The following AKAP19 variants were observed in gnomAD, a reference collection of about 807,000 sequenced individuals.
AKAP19 encodes A-kinase anchoring protein 19.
the AKAP19 span, among the ~76,000 whole-genome samples, chr2:190,109,573 C>CGGA: frequency 6.6e-6 from 1 of 151,926 alleles, no homozygotes; most frequent in Non-Finnish European, 1.5e-5. Context: ...CCGATTTGGT[C>CGGA]ACTCTTCCTA....
At chr2:190,172,481 CA>C in the AKAP19 span, among the ~76,000 whole-genome samples, 1 of 152,130 alleles carries the variant, frequency 6.6e-6, no homozygotes, top group Non-Finnish European at 1.5e-5. Flanking sequence ...CTATTCAAGC[CA>C]AATATTCTAC....
chr2:189,970,209 A>G, the AKAP19 span, among the ~76,000 whole-genome samples: 2 of 152,196 alleles, frequency 1.3e-5, no homozygotes, highest in East Asian at 3.9e-4. Context: ...TATATGTAGC[A>G]TATGTCTATA....
chr2:190,066,757 T>C, the AKAP19 span, among the ~76,000 whole-genome samples: 2 of 152,200 alleles, frequency 1.3e-5, no homozygotes, highest in South Asian at 2.1e-4. Flanking sequence ...GCTTTACTGT[T>C]GATGTTTTAT....
chr2:190,167,968 T>C, the AKAP19 span, among the ~76,000 whole-genome samples: 2 of 152,182 alleles, frequency 1.3e-5, no homozygotes, highest in African/African-American at 2.4e-5. Flanking sequence ...CACCAGGTGG[T>C]GCCCCAGTAG....
chr2:190,195,433 C>G, the AKAP19 span, among the ~76,000 whole-genome samples: 1,720 of 152,348 alleles, frequency 0.011, 39 homozygotes, highest in African/African-American at 0.039. Flanking sequence ...ATTTTGCATT[C>G]TCACCAACAG....
the AKAP19 span, among the ~76,000 whole-genome samples, chr2:189,895,844 T>G: frequency 6.6e-6 from 1 of 151,914 alleles, no homozygotes; most frequent in African/African-American, 2.4e-5. Context: ...GAGATCAGTT[T>G]AGAAAATCAT....
At chr2:190,029,030 G>C in the AKAP19 span, among the ~76,000 whole-genome samples, 1 of 152,014 alleles carries the variant, frequency 6.6e-6, no homozygotes, top group African/African-American at 2.4e-5. Flanking sequence ...AGTGTGGTGA[G>C]GTGTGGTAAG....
At chr2:190,077,444 A>ATG in the AKAP19 span, among the ~76,000 whole-genome samples, 2 of 151,810 alleles carry the variant, frequency 1.3e-5, no homozygotes, top group African/African-American at 4.9e-5. Context: ...AAACATTTAA[A>ATG]ATGTTAACAT....
chr2:190,068,318 C>T, the AKAP19 span, among the ~76,000 whole-genome samples: 23 of 151,982 alleles, frequency 1.5e-4, no homozygotes, highest in Non-Finnish European at 2.5e-4. Context: ...CATAGTTAGA[C>T]GGGGAGAACA....
chr2:189,938,893 T>C, the AKAP19 span, among the ~76,000 whole-genome samples: 4 of 152,154 alleles, frequency 2.6e-5, no homozygotes, highest in African/African-American at 4.8e-5. Flanking sequence ...GTAATAGAAT[T>C]GGACTTCCAT....
chr2:190,054,213 G>C, the AKAP19 span, among the ~76,000 whole-genome samples: 3 of 151,796 alleles, frequency 2.0e-5, no homozygotes, highest in Non-Finnish European at 2.9e-5. Flanking sequence ...ATAGTTTTCA[G>C]GTCAAGACAA....
chr2:190,153,963 C>A, the AKAP19 span, among the ~76,000 whole-genome samples: 1 of 152,092 alleles, frequency 6.6e-6, no homozygotes, highest in African/African-American at 2.4e-5. Flanking sequence ...CTAAAGATTC[C>A]TCTGTGAGAC....
At chr2:189,957,518 C>A in the AKAP19 span, among the ~76,000 whole-genome samples, 82 of 152,246 alleles carry the variant, frequency 5.4e-4, no homozygotes, top group African/African-American at 1.9e-3. Flanking sequence ...CAGCTTGCCA[C>A]CAAAACCAGA....
At chr2:190,036,729 T>A in the AKAP19 span, among the ~76,000 whole-genome samples, 10 of 152,200 alleles carry the variant, frequency 6.6e-5, no homozygotes, top group East Asian at 1.9e-3. Context: ...ATCATCAACA[T>A]TTCACTTTCA....
At chr2:190,131,965 T>A in the AKAP19 span, among the ~76,000 whole-genome samples, 12 of 151,842 alleles carry the variant, frequency 7.9e-5, no homozygotes, top group Non-Finnish European at 1.6e-4. Flanking sequence ...CACTAAAAAA[T>A]AAGTTATTTT....
At chr2:190,013,446 A>G in the AKAP19 span, among the ~76,000 whole-genome samples, 1 of 151,698 alleles carries the variant, frequency 6.6e-6, no homozygotes, top group African/African-American at 2.4e-5. Context: ...TTTTAGTTAT[A>G]ATTTTTTTCT....
At chr2:189,965,783 G>T in the AKAP19 span, among the ~76,000 whole-genome samples, 1 of 152,220 alleles carries the variant, frequency 6.6e-6, no homozygotes, top group African/African-American at 2.4e-5. Context: ...ATTTGATCCA[G>T]CAATCCCACT....
the AKAP19 span, among the ~76,000 whole-genome samples, chr2:190,194,477 TACACACACACACAC>T: frequency 3.8e-3 from 535 of 141,472 alleles, 2 homozygotes; most frequent in African/African-American, 8.4e-3. Context: ...ATCCTGTGTA[TACACACACACACAC>T]ACACACACAC....
chr2:189,963,156 A>T, the AKAP19 span, among the ~76,000 whole-genome samples: 1 of 151,106 alleles, frequency 6.6e-6, no homozygotes, highest in East Asian at 1.9e-4. Flanking sequence ...AAGTTTTCTC[A>T]TGAGATTGCA....
Sources: gnomAD v4.1 joint callset for allele counts (sites outside exome capture counted in the v4.1 genomes callset) on GRCh38, gnomAD v4.1.1 for gene constraint, MANE v1.5 for transcripts, NCBI Gene and HGNC (gene_info 2026-07-23, HGNC 2026-07-21) for gene names.